CLASP2: variants seen among roughly 807,000 people sequenced by gnomAD.
CLASP2 encodes the protein CLIP-associating protein 2.
Under a neutral mutation model 194.4 loss-of-function variants are expected in CLASP2, and 47 were observed. The ratio of observed to expected loss-of-function variants is 0.24; its 90% CI spans 0.19 to 0.31. The LOEUF (loss-of-function observed/expected upper bound fraction) is 0.31. CLASP2 is among the 10% of genes least tolerant of loss of function. CLASP2 has a pLI of 1.00. For synonymous variants in CLASP2, 619 were observed against 633.5 expected, an observed-to-expected ratio of 0.98 and a Z score of 0.34; for missense variants, 1,445 against 1,823.6, an observed-to-expected ratio of 0.79 and a Z score of 3.78.
rs1249851331 is a variant in CLASP2, at chr3:33,660,107, A to C, written c.715+3338T>G. On this transcript the variant is annotated intron_variant, in intron 7 of 38. Transcript: ENST00000682230. ...CACACTCGACAAATAAGAATTATGC[A>C]TAGTTTTTTTCACAGTGAAAGAGAA... Among the ~76,000 whole-genome samples the C allele has an allele frequency of 3.9e-5, 6 of 152,348 alleles. No individual in the cohort carries two copies. In the South Asian group the frequency reaches 1.2e-3, roughly 32 times the overall value.
intron 7 of CLASP2, among the ~76,000 whole-genome samples, chr3:33,661,257 C>T (rs1339438104): frequency 6.6e-6 from 1 of 152,158 alleles, no homozygotes. Flanking sequence ...TATGATCTAT[C>T]TCCATCACTA....
At chr3:33,525,831 C>T (rs1389709124) in intron 34 of CLASP2, among the ~76,000 whole-genome samples, 1 of 152,210 alleles carries the variant, frequency 6.6e-6, no homozygotes, top group African/African-American at 2.4e-5. Context: ...GCCTGCAGCC[C>T]CACTTCCACA....
intron 37 of CLASP2, among the ~76,000 whole-genome samples, chr3:33,507,036 T>A (rs1360149870): frequency 6.6e-6 from 1 of 152,018 alleles, no homozygotes; most frequent in Non-Finnish European, 1.5e-5. Flanking sequence ...CCTCCTAGGT[T>A]CAAGTGATTC....
At chr3:33,570,927 G>A (rs555887383) in intron 25 of CLASP2, 137 bp from the exon 26 acceptor site, 1 of 730,120 alleles carries the variant, frequency 1.4e-6, no homozygotes, top group East Asian at 3.0e-5. Context: ...TATAATCCTA[G>A]CATTTTGGGA....
chr3:33,627,120 C>G, intron 9 of CLASP2, 40 bp from the exon 10 acceptor site: 1 of 1,187,670 alleles, frequency 8.4e-7, no homozygotes, highest in Non-Finnish European at 1.2e-6. Context: ...TGTTTCTTGC[C>G]ATGAACAATA....
Position 33,606,613 on chromosome 3 carries a change from A to G in CLASP2, c.1672T>C (p.Ser558Pro). The G allele has an allele frequency of 1.2e-6, 2 of 1,613,700 alleles. No homozygotes were observed. Among genetic ancestry groups the G allele is most frequent in the Non-Finnish European group, 1.7e-6 (2 of 1,179,730 alleles). The change falls in exon 16 of 39, where the codon TCC (serine) becomes CCC (proline). Residue 558 changes from serine to proline, a missense_variant. Physicochemically the swap from Ser to Pro is moderately conservative, Grantham distance 74. Around this residue, in one of 4 missense-constraint regions of CLASP2, gnomAD observed 174 missense variants for 179.0 expected, o/e 0.97. Coordinates refer to ENST00000682230, the MANE Select transcript of CLASP2 (RefSeq NM_001365631.1). ...ASLPQSDRSS[S>P]SSQESLNRPF... ...TACTTGAGACTTTCCTGTGAGCTGG[A>G]TGAGGACCTGTCTGATTGTGGAAGA...
rs1340880942 is a variant in CLASP2 at position 33,538,925 on chromosome 3, G to A, written c.3422C>T (p.Thr1141Ile). 1 of 1,579,196 alleles carries A rather than the reference G, an allele frequency of 6.3e-7. No homozygotes were observed. The highest frequency in any genetic ancestry group is 8.6e-7 in the Non-Finnish European group (1 of 1,166,056). Residue 1141 changes from threonine to isoleucine, a missense_variant, in exon 33 of 39, where the codon ACA becomes ATA. Thr to Ile is a moderately conservative substitution (Grantham distance 89). Coordinates refer to ENST00000682230, the MANE Select transcript of CLASP2 (RefSeq NM_001365631.1). ...AATATCTTCAGAGTTCATATTTTCT[G>A]TGTCATAATCAAATGCACTATGAAA... The part of the protein sequence containing the change: ...TLSPSAFDYD[T>I]ENMNSEDIYS...
intron 1 of CLASP2, among the ~76,000 whole-genome samples, chr3:33,698,314 G>A (rs946140211): frequency 5.3e-5 from 8 of 152,232 alleles, no homozygotes; most frequent in African/African-American, 1.9e-4. Context: ...CCAGAGGAAG[G>A]AGCAGAAAAA....
Position 33,535,351 on chromosome 3 carries a change from G to A in CLASP2, c.3669C>T (p.His1223=), listed in dbSNP as rs1225472040. The stretch of plus-strand genomic sequence containing the variant: ...TATAGTCTCGAGAGCGTGGAGAGGA[G>A]TGAGTAGGCATTGAATGGAGCAATG... ...KASLLHSMPT[H]SSPRSRDYNP... is the part of the protein sequence containing the mutation. The change falls in exon 34 of 39, where the codon CAC becomes CAT. Residue 1223 remains histidine, a synonymous_variant. Coordinates refer to ENST00000682230, the MANE Select transcript of CLASP2 (RefSeq NM_001365631.1). 2 of 1,613,804 alleles carry A rather than the reference G, an allele frequency of 1.2e-6. No homozygotes were observed. Among genetic ancestry groups the A allele is most frequent in the Non-Finnish European group, 8.5e-7 (1 of 1,179,846 alleles).
intron 21 of CLASP2, among the ~76,000 whole-genome samples, chr3:33,588,270 A>G (rs1324038546): frequency 6.6e-6 from 1 of 152,164 alleles, no homozygotes; most frequent in African/African-American, 2.4e-5. Context: ...CCCAGTAAAG[A>G]GCCACCAACG....
chr3:33,698,927 A>G (rs1233074162), intron 1 of CLASP2, among the ~76,000 whole-genome samples: 1 of 152,242 alleles, frequency 6.6e-6, no homozygotes, highest in Non-Finnish European at 1.5e-5. Flanking sequence ...TGGAATTATC[A>G]GACCATTTAA....
rs1286933809 is a variant in CLASP2, at chr3:33,717,948, C to G, written c.55G>C (p.Gly19Arg). ...TCCTGGCCGACCTGCAGCCGGCCGC[C>G]GACGTCCTTCTGCTGCACCTGGGCG... ...FCAQVQQKDV[G>R]GRLQVGQELL... The change falls in exon 1 of 39, where the codon GGC (glycine) becomes CGC (arginine). Residue 19 changes from glycine to arginine, a missense_variant. Coordinates refer to ENST00000682230, the MANE Select transcript of CLASP2 (RefSeq NM_001365631.1). 1.9e-6 allele frequency: 3 copies of G among 1,545,814 alleles called. No homozygotes were observed. The highest frequency in any genetic ancestry group is 1.4e-5 in the African/African-American group (1 of 72,944).
At chr3:33,659,023 G>A (rs1423088901) in intron 7 of CLASP2, 1 of 1,535,746 alleles carries the variant, frequency 6.5e-7, no homozygotes, top group Non-Finnish European at 8.7e-7. Flanking sequence ...AAACCAAGAG[G>A]TCAAATAGCA....
chr3:33,665,900 G>A (rs1236680852), intron 6 of CLASP2, among the ~76,000 whole-genome samples: 4 of 152,018 alleles, frequency 2.6e-5, no homozygotes, highest in East Asian at 1.9e-4. Flanking sequence ...GTAATTCAGG[G>A]GAAGAAATTA....
chr3:33,696,521 A>G (rs1436901491), intron 2 of CLASP2, among the ~76,000 whole-genome samples: 1 of 147,952 alleles, frequency 6.8e-6, no homozygotes, highest in East Asian at 2.0e-4. Context: ...GCTGGAGTGC[A>G]GTGGCATGAT....
chr3:33,591,969 G>A (rs192056993), intron 21 of CLASP2, among the ~76,000 whole-genome samples: 5 of 152,172 alleles, frequency 3.3e-5, no homozygotes, highest in East Asian at 1.9e-4. Context: ...CAATTATTTC[G>A]TCTCTAAAAA....
chr3:33,548,088 T>A (rs1005910540), intron 30 of CLASP2, among the ~76,000 whole-genome samples: 9 of 152,034 alleles, frequency 5.9e-5, no homozygotes, highest in African/African-American at 2.2e-4. Context: ...TGCATAGTTT[T>A]TGAATACTAG....
At chr3:33,636,624 CAG>C (rs2080196365) in intron 8 of CLASP2, among the ~76,000 whole-genome samples, 2 of 152,272 alleles carry the variant, frequency 1.3e-5, no homozygotes, top group East Asian at 1.9e-4. Flanking sequence ...TTTATTGCGA[CAG>C]AGTTTCGCTC....
chr3:33,675,162 G>C (rs2088277127), intron 6 of CLASP2, among the ~76,000 whole-genome samples: 2 of 152,206 alleles, frequency 1.3e-5, no homozygotes, highest in South Asian at 4.2e-4. Context: ...CAATATCCTT[G>C]ATGAACATTG....
Sources: allele counts gnomAD v4.1 joint callset (sites outside exome capture counted in the v4.1 genomes callset), GRCh38; gene constraint gnomAD v4.1.1; regional missense constraint gnomAD v4.1.1; transcripts MANE v1.5; gene names NCBI Gene and HGNC (gene_info 2026-07-23, HGNC 2026-07-21).